RAB11FIP2: variants seen among roughly 807,000 people sequenced by gnomAD.
RAB11FIP2 encodes RAB11 family interacting protein 2, also known as rab11 family-interacting protein 2.
Under a neutral mutation model 40.9 loss-of-function variants are expected in RAB11FIP2, and 16 were observed. The observed-to-expected ratio is 0.39, with a 90% CI of 0.26 to 0.59. The LOEUF (loss-of-function observed/expected upper bound fraction) is 0.59. Ranked by LOEUF, RAB11FIP2 falls within the 20% of genes least tolerant of loss-of-function variation. RAB11FIP2 has a pLI of 0.53. For missense variants in RAB11FIP2, 532 were observed against 606.2 expected (o/e 0.88, Z 1.28); for synonymous variants, 228 against 213.7 (o/e 1.07, Z -0.58).
intron 3 of RAB11FIP2, among the ~76,000 whole-genome samples, chr10:118,019,719 G>A (rs762214373): frequency 6.6e-6 from 1 of 151,974 alleles, no homozygotes; most frequent in Non-Finnish European, 1.5e-5. Context: ...CTAGCTACTC[G>A]GGAGGCTGAG....
chr10:118,036,387 C>T (rs927559845), intron 3 of RAB11FIP2, among the ~76,000 whole-genome samples: 1 of 152,048 alleles, frequency 6.6e-6, no homozygotes, highest in Non-Finnish European at 1.5e-5. Flanking sequence ...TCCAAAAGTG[C>T]ATTCGGTTAG....
chr10:118,008,988 A>G lies in RAB11FIP2; in HGVS notation c.*10T>C. ...TTTGTCCAATTATCAATACAATACA[A>G]TTGGCTTTATTAACTGTTAGAGAAT... On this transcript the variant is annotated 3_prime_UTR_variant, in exon 5 of 5. Coordinates refer to ENST00000355624, the MANE Select transcript of RAB11FIP2 (RefSeq NM_014904.3). The G allele has an allele frequency of 6.3e-7, 1 of 1,578,854 alleles. No homozygotes were observed. The highest frequency in any genetic ancestry group is 8.7e-7 in the Non-Finnish European group (1 of 1,148,110).
chr10:118,038,565 G>A (rs763742224), intron 3 of RAB11FIP2, among the ~76,000 whole-genome samples: 2 of 152,026 alleles, frequency 1.3e-5, no homozygotes, highest in Non-Finnish European at 2.9e-5. Context: ...GTTTTTTAAA[G>A]AATAGCACAT....
intron 3 of RAB11FIP2, among the ~76,000 whole-genome samples, chr10:118,030,927 A>G (rs1846405924): frequency 6.6e-6 from 1 of 152,152 alleles, no homozygotes; most frequent in South Asian, 2.1e-4. Context: ...TTAAACATAA[A>G]AGTTCTAGTT....
At chr10:118,044,111 A>C (rs1055078734) in intron 1 of RAB11FIP2, among the ~76,000 whole-genome samples, 2 of 152,224 alleles carry the variant, frequency 1.3e-5, no homozygotes, top group Non-Finnish European at 2.9e-5. Context: ...CCATAATATT[A>C]GAGTATTGCT....
At chr10:118,024,033 T>A (rs970182084) in intron 3 of RAB11FIP2, among the ~76,000 whole-genome samples, 1 of 148,966 alleles carries the variant, frequency 6.7e-6, no homozygotes, top group African/African-American at 2.5e-5. Flanking sequence ...GAGGCTGCAG[T>A]GAGCTGAGAT....
In RAB11FIP2 at chr10:118,040,180, C is replaced by G; in HGVS notation, c.739G>C (p.Gly247Arg). The change falls in exon 2 of 5, where the codon GGT becomes CGT. Residue 247 changes from glycine to arginine, a missense_variant. Coordinates refer to ENST00000355624, the MANE Select transcript of RAB11FIP2 (RefSeq NM_014904.3). Reference protein sequence around the residue: ...SSEKLKAGTIGQTHLLGHQLD... With the variant: ...SSEKLKAGTIRQTHLLGHQLD... ...TGGTGTCCGAGAAGATGTGTTTGAC[C>G]TATGGTGCCAGCCTTCAGTTTCTCA... The G allele has an allele frequency of 6.2e-7, 1 of 1,613,766 alleles. No individual in the cohort carries two copies.
chr10:118,040,410 T>C lies in RAB11FIP2; in HGVS notation c.509A>G (p.Lys170Arg), dbSNP rs765332606. 3.7e-6 allele frequency: 6 copies of C among 1,613,766 alleles called. No homozygotes were observed. The South Asian group carries it at 6.6e-5, about 18-fold the overall frequency. The change falls in exon 2 of 5, where the codon AAG (lysine) becomes AGG (arginine). Residue 170 changes from lysine to arginine, a missense_variant. Coordinates refer to ENST00000355624, the MANE Select transcript of RAB11FIP2 (RefSeq NM_014904.3). ...TRSPFAKLKDKMKGRKNDGTF... is the reference protein window; with the variant it reads ...TRSPFAKLKDRMKGRKNDGTF... ...TCCATCATTTTTTCTACCCTTCATC[T>C]TATCTTTTAACTTTGCAAAAGGAGA...
intron 3 of RAB11FIP2, among the ~76,000 whole-genome samples, chr10:118,037,820 T>C (rs1173520757): frequency 6.6e-6 from 1 of 152,018 alleles, no homozygotes; most frequent in East Asian, 1.9e-4. Context: ...GAGAGATTGG[T>C]TCCAGGACTC....
intron 3 of RAB11FIP2, among the ~76,000 whole-genome samples, chr10:118,038,574 A>T (rs951923764): frequency 1.3e-5 from 2 of 152,108 alleles, no homozygotes; most frequent in Non-Finnish European, 2.9e-5. Flanking sequence ...AGAATAGCAC[A>T]TGGGCTGCTG....
In RAB11FIP2 at chr10:118,013,733, T is replaced by A. The variant is rs929520473; in HGVS notation, c.1311+1332A>T. ...TAATCACACATCAAGGATTCTTTTA[T>A]CACCTTTAAATCCTTTAACTAAAAC... is the stretch of plus-strand genomic sequence containing the variant. On this transcript the variant is annotated intron_variant, in intron 4 of 4. Transcript: ENST00000355624. Among the ~76,000 whole-genome samples the A allele has an allele frequency of 2.0e-5, 3 of 152,114 alleles. No homozygotes were observed. In the South Asian group the frequency reaches 6.2e-4, roughly 31 times the overall value.
Position 118,040,367 on chromosome 10 carries a change from A to G in RAB11FIP2, c.552T>C (p.Ser184=). Residue 184 remains serine, a synonymous_variant, in exon 2 of 5, where the codon TCT becomes TCC. Transcript: ENST00000355624. The stretch of plus-strand genomic sequence containing the variant: ...TGTGAGTACTTGGAATGATTGCAGA[A>G]GACGTATCAGAAAATGTTCCATCAT... ...RKNDGTFSDT[S]SAIIPSTHMP... is the part of the protein sequence containing the mutation. 1 of 1,613,812 alleles carries G rather than the reference A, an allele frequency of 6.2e-7. No individual in the cohort carries two copies. Among genetic ancestry groups the G allele is most frequent in the Non-Finnish European group, 8.5e-7 (1 of 1,179,720 alleles).
rs948120968 is a variant in RAB11FIP2, at chr10:118,039,344, C to A, written c.893G>T (p.Gly298Val). The A allele has an allele frequency of 5.6e-6, 9 of 1,613,454 alleles. No individual in the cohort carries two copies. The highest frequency in any genetic ancestry group is 7.6e-6 in the Non-Finnish European group (9 of 1,179,668). Reference sequence around the variant, plus strand: ...ATTTGTAAATGGGTCATTTTGTCTTCCGAAACACAATTCACCTTCATCCAC... The same window carrying A: ...ATTTGTAAATGGGTCATTTTGTCTTACGAAACACAATTCACCTTCATCCAC... ...SIVDEGELCF[G>V]RQNDPFTNVT... The change falls in exon 3 of 5, where the codon GGA (glycine) becomes GTA (valine). Residue 298 changes from glycine (G) to valine (V), a missense_variant. By Grantham distance (109) the Gly-to-Val change is moderately radical. Transcript: ENST00000355624.
At chr10:118,019,258 C>A (rs1206260714) in intron 3 of RAB11FIP2, among the ~76,000 whole-genome samples, 3 of 152,106 alleles carry the variant, frequency 2.0e-5, no homozygotes, top group African/African-American at 7.2e-5. Context: ...AATTACAAAG[C>A]AAAGTCCATT....
At chr10:118,011,749 C>G (rs4752141) in intron 4 of RAB11FIP2, among the ~76,000 whole-genome samples, 7,155 of 152,088 alleles carry the variant, frequency 0.047, 406 homozygotes, top group East Asian at 0.17. Flanking sequence ...TAAACTCTAA[C>G]TAATGTGATT....
In RAB11FIP2 at chr10:118,039,494, T is replaced by C. The variant is rs1463562498; in HGVS notation, c.797-54A>G. ...ATCAGTGACACATTACATCACACTA[T>C]TTGACACAGTCTGTGTGCATTCTGC... On this transcript the variant is annotated intron_variant, in intron 2 of 4. Transcript: ENST00000355624. 10 of 1,424,020 alleles carry C rather than the reference T, an allele frequency of 7.0e-6. No individual in the cohort carries two copies. In the East Asian group the frequency reaches 2.3e-4, roughly 33 times the overall value. 88.2% of individuals were successfully genotyped at this position (1,424,020 alleles called of 1,614,324 possible).
intron 1 of RAB11FIP2, among the ~76,000 whole-genome samples, chr10:118,044,906 T>C (rs1341722566): frequency 1.3e-5 from 2 of 152,162 alleles, no homozygotes; most frequent in African/African-American, 4.8e-5. Flanking sequence ...CTAATTTCAT[T>C]AATATAATGT....
chr10:118,039,183 CTCTTT>C lies in RAB11FIP2; in HGVS notation c.1049_1053del (p.Lys350ArgfsTer7). On this transcript the variant is annotated frameshift_variant, in exon 3 of 5. Transcript: ENST00000355624. LOFTEE classifies it high-confidence loss of function. ...AACAGGCTAACTTTCTCCCTTTTCT[CTCTTT>C]TATTTTCTTTTCTTATTTCAATTGG... 3 of 1,613,646 alleles carry C rather than the reference CTCTTT, an allele frequency of 1.9e-6. No homozygotes were observed. The highest frequency in any genetic ancestry group is 2.5e-6 in the Non-Finnish European group (3 of 1,179,778).
intron 3 of RAB11FIP2, among the ~76,000 whole-genome samples, chr10:118,023,484 TG>T (rs1846305751): frequency 6.6e-6 from 1 of 152,168 alleles, no homozygotes; most frequent in African/African-American, 2.4e-5. Flanking sequence ...CTCCTGGGAC[TG>T]GGCATGTACA....
Sources: gnomAD v4.1 joint callset for allele counts (sites outside exome capture counted in the v4.1 genomes callset) on GRCh38, gnomAD v4.1.1 for gene constraint, MANE v1.5 for transcripts, NCBI Gene and HGNC (gene_info 2026-07-23, HGNC 2026-07-21) for gene names.